Variants in RASA3 observed in about 807,000 individuals in gnomAD.
RASA3 encodes RAS p21 protein activator 3.
A neutral mutation model predicts 110.0 loss-of-function variants in RASA3; 73 were observed. The ratio of observed to expected loss-of-function variants is 0.66; its 90% CI spans 0.55 to 0.81. The LOEUF (loss-of-function observed/expected upper bound fraction) is 0.81. RASA3 is among the 30% of genes least tolerant of loss of function. The probability of loss-of-function intolerance (pLI) is 0.00; values close to 1 mark genes in which losing one functional copy is unlikely to be tolerated. For synonymous variants in RASA3, 500 were observed against 451.4 expected, an observed-to-expected ratio of 1.11 and a Z score of -1.37; for missense variants, 976 against 1,113.2, an observed-to-expected ratio of 0.88 and a Z score of 1.75.
rs777405336 is a variant in RASA3, at chr13:114,011,279, T to C, written c.1513-31A>G. The C allele has an allele frequency of 1.9e-6, 3 of 1,563,048 alleles. No individual in the cohort carries two copies. Among genetic ancestry groups the C allele is most frequent in the Non-Finnish European group, 2.6e-6 (3 of 1,137,300 alleles). On this transcript the variant is annotated intron_variant, in intron 15 of 23. Transcript: ENST00000334062. The surrounding 1 kb of genome is among the most constrained non-coding windows in gnomAD (Gnocchi z 4.8). ...GAGGCGGGAGCAAGAAAGGTCTATG[T>C]CAGCATCACAGAAATGCTGTGACTG...
rs113796814 is a variant in RASA3 at position 113,998,346 on chromosome 13, T to A, written c.1932+1239A>T. Among the ~76,000 whole-genome samples the A allele has an allele frequency of 2.2e-3, 337 of 152,034 alleles. 1 individual carries two copies. Among genetic ancestry groups the A allele is most frequent in the Non-Finnish European group, 4.0e-3 (269 of 68,020 alleles). The stretch of plus-strand genomic sequence containing the variant: ...CTCCTCTTCAAATTACTCTCCAAAC[T>A]TATGCCTTTTGCAGGATCTGTCTGG... On this transcript the variant is annotated intron_variant, in intron 20 of 23. Coordinates refer to ENST00000334062, the MANE Select transcript of RASA3 (RefSeq NM_007368.4).
intron 2 of RASA3, among the ~76,000 whole-genome samples, chr13:114,064,719 CCCTT>C (rs1031636172): frequency 1.3e-5 from 2 of 152,262 alleles, no homozygotes; most frequent in Non-Finnish European, 2.9e-5. Context: ...CCAGGTGCCC[CCCTT>C]CCCATCAGCA....
intron 15 of RASA3, among the ~76,000 whole-genome samples, 198 bp downstream of exon 15, chr13:114,012,944 A>C (rs539008456): frequency 7.4e-6 from 1 of 135,402 alleles, no homozygotes; most frequent in Admixed American, 7.3e-5. Flanking sequence ...CTCATTCCAC[A>C]AACACTCCCC....
At chr13:114,113,985 T>C (rs1215981722) in intron 1 of RASA3, among the ~76,000 whole-genome samples, 2 of 133,834 alleles carry the variant, frequency 1.5e-5, no homozygotes, top group Non-Finnish European at 3.2e-5. Flanking sequence ...TGGCGAGTGA[T>C]GTCCGTACAG....
rs1174412296 is a variant in RASA3 at position 113,991,084 on chromosome 13, C to T, written c.2245+1401G>A. On this transcript the variant is annotated intron_variant, in intron 22 of 23. Transcript: ENST00000334062. ...AGGGCATGTGGGGCTGGAGAACAGG[C>T]GTGGCCAAGCTCACAGATGGGCAGC... Among the ~76,000 whole-genome samples, 27 of 136,310 alleles carry T rather than the reference C, an allele frequency of 2.0e-4. 1 individual carries two copies. The highest frequency in any genetic ancestry group is 7.3e-4 in the African/African-American group (25 of 34,412). 89.4% of individuals were successfully genotyped at this position (136,310 alleles called of 152,430 possible).
intron 1 of RASA3, among the ~76,000 whole-genome samples, chr13:114,124,073 C>T (rs2080414822): frequency 6.6e-6 from 1 of 152,166 alleles, no homozygotes; most frequent in Non-Finnish European, 1.5e-5. Context: ...CCCCCAGAAG[C>T]CCGGCACGGT....
At chr13:114,110,100 T>C (rs1015012988) in intron 1 of RASA3, among the ~76,000 whole-genome samples, 104 of 152,284 alleles carry the variant, frequency 6.8e-4, no homozygotes, top group African/African-American at 2.3e-3. Flanking sequence ...GCCTGGGTGG[T>C]TGGTAAAAGA....
chr13:114,013,822 TTCTCTCCGTCTGTC>T (rs2053711879), intron 14 of RASA3, among the ~76,000 whole-genome samples: 3 of 98,578 alleles, frequency 3.0e-5, no homozygotes, highest in Non-Finnish European at 6.3e-5. Flanking sequence ...CCCCGTCTCT[TTCTCTCCGTCTGTC>T]TCTCTCTCCA....
At chr13:114,104,077 C>T (rs2080098848) in intron 1 of RASA3, among the ~76,000 whole-genome samples, 1 of 46,108 alleles carries the variant, frequency 2.2e-5, no homozygotes, top group Non-Finnish European at 4.9e-5. Context: ...GGACACCCAC[C>T]CCCGATGCGT....
chr13:114,077,844 T>C (rs1410657044), intron 1 of RASA3: 25 of 984,602 alleles, frequency 2.5e-5, no homozygotes, highest in South Asian at 1.4e-4. Context: ...TGAGACTCTT[T>C]CTTTTTAATC....
At position 114,082,526 on chromosome 13, in the gene RASA3, C is replaced by A. The variant is rs545113584; in HGVS notation, c.56-8689G>T. On this transcript the variant is annotated intron_variant, in intron 1 of 23. Coordinates refer to ENST00000334062, the MANE Select transcript of RASA3 (RefSeq NM_007368.4). ...CGAGGCTGCTCCCCGGGTGGACACA[C>A]GCGCTTGAATGGAGAGTGAGGAACA... is the stretch of plus-strand genomic sequence containing the variant. Among the ~76,000 whole-genome samples the A allele has an allele frequency of 7.2e-5, 11 of 152,336 alleles. No homozygotes were observed. In the South Asian group the frequency reaches 2.3e-3, roughly 32 times the overall value.
intron 3 of RASA3, among the ~76,000 whole-genome samples, chr13:114,041,666 C>T (rs1387239893): frequency 6.6e-6 from 1 of 152,276 alleles, no homozygotes; most frequent in African/African-American, 2.4e-5. Context: ...CTGAAACACA[C>T]GTGTGCCTAG....
At position 114,018,931 on chromosome 13, in the gene RASA3, G is replaced by A. The variant is rs750135335; in HGVS notation, c.786-12C>T. The A allele has an allele frequency of 2.5e-6, 4 of 1,613,092 alleles. No individual in the cohort carries two copies. The East Asian group carries it at 6.7e-5, about 27-fold the overall frequency. ...GCTGGAGGAAGTACCTGGGTGGGAG[G>A]GACACATGGAGGGGAGGCATGAGGC... On this transcript the variant is annotated splice_polypyrimidine_tract_variant and intron_variant, in intron 9 of 23. Coordinates refer to ENST00000334062, the MANE Select transcript of RASA3 (RefSeq NM_007368.4).
At position 114,101,335 on chromosome 13, in the gene RASA3, G is replaced by A. The variant is rs757179779; in HGVS notation, c.56-27498C>T. Among the ~76,000 whole-genome samples, 44 of 152,212 alleles carry A rather than the reference G, an allele frequency of 2.9e-4. 1 individual carries two copies. Among genetic ancestry groups the A allele is most frequent in the South Asian group, 4.1e-4 (2 of 4,832 alleles). On this transcript the variant is annotated intron_variant, in intron 1 of 23. Coordinates refer to ENST00000334062, the MANE Select transcript of RASA3 (RefSeq NM_007368.4). ...AGCGAGGTCTACCCCCAACCAGGAC[G>A]GGTAGGCAGTGGCCCCAGCACCCCC...
intron 1 of RASA3, among the ~76,000 whole-genome samples, chr13:114,109,008 G>T (rs1042101406): frequency 1.3e-5 from 2 of 152,150 alleles, no homozygotes; most frequent in Non-Finnish European, 2.9e-5. Context: ...TCACAGCAAG[G>T]CCTCTCCACT....
chr13:113,979,438 G>A lies in RASA3; in HGVS notation c.2430-16C>T. On this transcript the variant is annotated splice_polypyrimidine_tract_variant and intron_variant, in intron 23 of 23. Coordinates refer to ENST00000334062, the MANE Select transcript of RASA3 (RefSeq NM_007368.4). ...GGGGTGCTCCCTGAAAAGGGGGATG[G>A]GAGAGGGAATGAGGCACAGACCCCG... 1 of 1,573,114 alleles carries A rather than the reference G, an allele frequency of 6.4e-7. No homozygotes were observed. The highest frequency in any genetic ancestry group is 8.7e-7 in the Non-Finnish European group (1 of 1,143,054).
chr13:114,029,973 G>A (rs980175577), intron 4 of RASA3, 86 bp from the exon 5 acceptor site: 4 of 1,292,142 alleles, frequency 3.1e-6, no homozygotes, highest in Non-Finnish European at 2.2e-6. Context: ...AAGCCTAGAG[G>A]GCAAAGGGAG....
At chr13:114,018,414 CTG>C (rs879375388) in intron 10 of RASA3, among the ~76,000 whole-genome samples, 162 bp from the exon 11 acceptor site, 3 of 152,236 alleles carry the variant, frequency 2.0e-5, no homozygotes, top group Admixed American at 2.0e-4. Flanking sequence ...CCATTTGCTG[CTG>C]CTTGGCTGGA....
chr13:114,058,399 C>T (rs1238531986), intron 2 of RASA3, among the ~76,000 whole-genome samples: 1 of 152,242 alleles, frequency 6.6e-6, no homozygotes, highest in African/African-American at 2.4e-5. Context: ...ACCTGGATTC[C>T]CACCACAGAA....
Sources: allele counts gnomAD v4.1 joint callset (sites outside exome capture counted in the v4.1 genomes callset), GRCh38; gene constraint gnomAD v4.1.1; non-coding constraint Gnocchi (gnomAD v3.1); transcripts MANE v1.5; gene names NCBI Gene and HGNC (gene_info 2026-07-23, HGNC 2026-07-21).